The following DIDO1 variants were observed in gnomAD, a reference collection of about 807,000 sequenced individuals.
The protein encoded by DIDO1 is death inducer-obliterator 1.
In DIDO1, 16 loss-of-function variants were observed where a neutral mutation model predicts 99.4. The observed-to-expected ratio is 0.16, with a 90% CI of 0.11 to 0.24. The LOEUF is 0.24. DIDO1 is among the 10% of genes least tolerant of loss of function. The probability of loss-of-function intolerance (pLI) is 1.00; values close to 1 mark genes in which losing one functional copy is unlikely to be tolerated. For missense variants in DIDO1, 2,996 were observed against 3,014.0 expected, an observed-to-expected ratio of 0.99 and a Z score of 0.14; for synonymous variants, 1,366 against 1,239.1, an observed-to-expected ratio of 1.10 and a Z score of -2.15.
Position 62,878,954 on chromosome 20 carries a change from T to G in DIDO1, c.*279A>C. On this transcript the variant is annotated 3_prime_UTR_variant, in exon 16 of 16. Coordinates refer to ENST00000395343, the MANE Select transcript of DIDO1 (RefSeq NM_001193369.2). ...TCCCTTAAAATTTACAATAAAGTTA[T>G]TGGAAAAGATAACTATGATCTGAAA... 1 of 341,474 alleles carries G rather than the reference T, an allele frequency of 2.9e-6. No individual in the cohort carries two copies. The highest frequency in any genetic ancestry group is 5.2e-6 in the Non-Finnish European group (1 of 191,878). 21.2% of individuals were successfully genotyped at this position (341,474 alleles called of 1,614,324 possible). A position where few individuals can be genotyped will look rare whatever the true frequency, so the allele number is the denominator to read the frequency against.
upstream of DIDO1, among the ~76,000 whole-genome samples, chr20:62,927,523 T>TGG (rs960058744): frequency 8.6e-5 from 13 of 151,258 alleles, no homozygotes; most frequent in Admixed American, 4.0e-4. Flanking sequence ...GGCAGGGACC[T>TGG]GGGGGGGGTG....
intron 6 of DIDO1, among the ~76,000 whole-genome samples, chr20:62,901,705 T>G (rs922731756): frequency 6.6e-6 from 1 of 152,046 alleles, no homozygotes; most frequent in Non-Finnish European, 1.5e-5. Flanking sequence ...CAAATGAAAG[T>G]TGCCGCAACC....
intron 4 of DIDO1, among the ~76,000 whole-genome samples, chr20:62,909,009 G>A (rs943764385): frequency 6.6e-6 from 1 of 152,226 alleles, no homozygotes; most frequent in Non-Finnish European, 1.5e-5. Flanking sequence ...GCCTCCAAGG[G>A]CACGCTCCCA....
rs780354195 is a variant in DIDO1 at position 62,879,584 on chromosome 20, G to A, written c.6372C>T (p.Ser2124=). ...RRERERGRNW[S]RERDWDRPRE... Reference sequence around the variant, plus strand: ...GGGGCCGGTCCCAGTCCCGCTCTCGGCTCCAGTTTCGGCCGCGCTCGCGCT... The same window carrying A: ...GGGGCCGGTCCCAGTCCCGCTCTCGACTCCAGTTTCGGCCGCGCTCGCGCT... The change falls in exon 16 of 16, where the codon AGC becomes AGT. Residue 2124 remains serine, a synonymous_variant. Transcript: ENST00000395343. The surrounding 1 kb of genome is among the most constrained non-coding windows in gnomAD (Gnocchi z 6.3). 3.1e-6 allele frequency: 5 copies of A among 1,602,800 alleles called. No homozygotes were observed. The Admixed American group carries it at 6.7e-5, about 21-fold the overall frequency.
chr20:62,895,075 T>C lies in DIDO1; in HGVS notation c.2305A>G (p.Thr769Ala). ...PEELVSKELS[T>A]WKERPARSVM... ...GATCTCGCTGGCCTCTCTTTCCACG[T>C]GGAAAGCTCTTTAGATACAAGTTCT... The change falls in exon 9 of 16, where the codon ACG (threonine) becomes GCG (alanine). Residue 769 changes from threonine to alanine, a missense_variant. Physicochemically the swap from Thr to Ala is moderately conservative, Grantham distance 58. Around this residue, in one of 5 missense-constraint regions of DIDO1, gnomAD observed 898 missense variants for 972.7 expected, o/e 0.92. Transcript: ENST00000395343. The C allele has an allele frequency of 6.2e-7, 1 of 1,610,806 alleles. No individual in the cohort carries two copies.
In DIDO1 at chr20:62,879,928, G is replaced by A; in HGVS notation, c.6028C>T (p.His2010Tyr). The A allele has an allele frequency of 1.3e-6, 2 of 1,595,982 alleles. No homozygotes were observed. Among genetic ancestry groups the A allele is most frequent in the Non-Finnish European group, 1.7e-6 (2 of 1,172,990 alleles). Residue 2010 changes from histidine (H) to tyrosine (Y), a missense_variant, in exon 16 of 16, where the codon CAC (histidine) becomes TAC (tyrosine). His to Tyr is a moderately conservative substitution (Grantham distance 83). Coordinates refer to ENST00000395343, the MANE Select transcript of DIDO1 (RefSeq NM_001193369.2). This position sits in a 1 kb window ranked among gnomAD's most constrained non-coding sequence, Gnocchi z 6.3. The stretch of plus-strand genomic sequence containing the variant: ...ACCTGCGGGGCCTGGCCCTGGAAGT[G>A]AAATCGCGAAGGGGTCTGCTCATTT... Reference protein sequence around the residue: ...EKNEQTPSRFHFQGQAPQVMK... With the variant: ...EKNEQTPSRFYFQGQAPQVMK...
intron 6 of DIDO1, among the ~76,000 whole-genome samples, chr20:62,900,688 C>G (rs2064650818): frequency 1.3e-5 from 2 of 152,190 alleles, no homozygotes; most frequent in Non-Finnish European, 2.9e-5. Flanking sequence ...AAATAAACAC[C>G]ACACGCCCTC....
At chr20:62,906,861 T>C (rs2064818013) in intron 5 of DIDO1, among the ~76,000 whole-genome samples, 1 of 152,178 alleles carries the variant, frequency 6.6e-6, no homozygotes, top group African/African-American at 2.4e-5. Flanking sequence ...ACCGGGTGGT[T>C]ACCAACTCTT....
intron 13 of DIDO1, among the ~76,000 whole-genome samples, chr20:62,892,537 G>C (rs1194983625): frequency 1.3e-5 from 2 of 152,204 alleles, no homozygotes; most frequent in African/African-American, 2.4e-5. Context: ...CAGCCATGTG[G>C]TCAGTGCCCC....
intron 15 of DIDO1, chr20:62,888,192 C>T (rs1310576330): frequency 1.0e-6 from 1 of 985,522 alleles, no homozygotes; most frequent in Non-Finnish European, 1.2e-6. Context: ...GGACACCACG[C>T]TGTCAAAACC....
At chr20:62,886,384 G>A (rs117931677) in intron 15 of DIDO1, among the ~76,000 whole-genome samples, 1,685 of 152,270 alleles carry the variant, frequency 0.011, 16 homozygotes, top group Middle Eastern at 0.058. Context: ...TGTCCTTTGC[G>A]TATTCATGAC....
chr20:62,900,464 G>A (rs926861164), intron 6 of DIDO1, among the ~76,000 whole-genome samples: 1 of 152,212 alleles, frequency 6.6e-6, no homozygotes, highest in African/African-American at 2.4e-5. Flanking sequence ...ACGGGGAGGA[G>A]AAAATCAGGC....
upstream of DIDO1, among the ~76,000 whole-genome samples, chr20:62,929,692 A>AATATATATATATATATATAT: frequency 6.3e-5 from 4 of 63,736 alleles, no homozygotes; most frequent in South Asian, 1.7e-3. Context: ...AAAAAGAAAA[A>AATATATATATATATATATAT]GTGTATATAT....
Position 62,887,272 on chromosome 20 carries a change from T to C in DIDO1, c.3541+3688A>G, listed in dbSNP as rs1308792790. 4 of 985,392 alleles carry C rather than the reference T, an allele frequency of 4.1e-6. No homozygotes were observed. In the African/African-American group the frequency reaches 7.0e-5, roughly 17 times the overall value. 61.0% of individuals were successfully genotyped at this position (985,392 alleles called of 1,614,324 possible). On this transcript the variant is annotated intron_variant, in intron 15 of 15. Coordinates refer to ENST00000395343, the MANE Select transcript of DIDO1 (RefSeq NM_001193369.2). ...GAAGGCAGTACATTCCATTCAATACTGTATTTGACTCTGATTACAATTTCC... is the reference window on the plus strand; with the variant it reads ...GAAGGCAGTACATTCCATTCAATACCGTATTTGACTCTGATTACAATTTCC...
chr20:62,902,872 A>G (rs1238933067), intron 6 of DIDO1, among the ~76,000 whole-genome samples: 3 of 152,246 alleles, frequency 2.0e-5, no homozygotes. Flanking sequence ...TCAGTGTTTA[A>G]GTCACTTAAT....
upstream of DIDO1, among the ~76,000 whole-genome samples, chr20:62,927,318 A>G (rs2065273448): frequency 6.6e-6 from 1 of 152,198 alleles, no homozygotes; most frequent in Admixed American, 6.5e-5. Flanking sequence ...TTAGACACTT[A>G]CTATCAAGAG....
In DIDO1 at chr20:62,879,225, C is replaced by G; in HGVS notation, c.*8G>C. On this transcript the variant is annotated 3_prime_UTR_variant, in exon 16 of 16. Transcript: ENST00000395343. This position sits in a 1 kb window ranked among gnomAD's most constrained non-coding sequence, Gnocchi z 6.3. Reference sequence around the variant, plus strand: ...GCTTTAAAAAGGGTCTCTGCCCGGCCGGGGCGTCTAGGCCTGCGAGGCGGT... The same window carrying G: ...GCTTTAAAAAGGGTCTCTGCCCGGCGGGGGCGTCTAGGCCTGCGAGGCGGT... The G allele has an allele frequency of 6.7e-7, 1 of 1,488,336 alleles. No homozygotes were observed. Among genetic ancestry groups the G allele is most frequent in the Non-Finnish European group, 8.9e-7 (1 of 1,124,820 alleles). 92.2% of individuals were successfully genotyped at this position (1,488,336 alleles called of 1,614,324 possible).
Position 62,882,107 on chromosome 20 carries a change from G to A in DIDO1, c.3849C>T (p.Ala1283=), listed in dbSNP as rs199834139. 1.9e-6 allele frequency: 3 copies of A among 1,613,362 alleles called. No individual in the cohort carries two copies. The highest frequency in any genetic ancestry group is 2.2e-5 in the South Asian group (2 of 91,086). The change falls in exon 16 of 16, where the codon GCC becomes GCT. Residue 1283 remains alanine (A), a synonymous_variant. Transcript: ENST00000395343. The part of the protein sequence containing the change: ...LKVLSSLKPA[A]PSPATAATTA... ...TTGTGGCTGCTGTGGCTGGGCTGGG[G>A]GCTGCAGGTTTGAGGGATGACAGCA...
intron 4 of DIDO1, among the ~76,000 whole-genome samples, chr20:62,908,837 C>T (rs1012276246): frequency 6.6e-6 from 1 of 152,138 alleles, no homozygotes; most frequent in Non-Finnish European, 1.5e-5. Context: ...CCAGCCTGGG[C>T]AACAGAGCGA....
Sources: gnomAD v4.1 joint callset for allele counts (sites outside exome capture counted in the v4.1 genomes callset) on GRCh38, gnomAD v4.1.1 for gene constraint, gnomAD v4.1.1 regional missense constraint, Gnocchi (gnomAD v3.1) non-coding constraint, MANE v1.5 for transcripts, NCBI Gene and HGNC (gene_info 2026-07-23, HGNC 2026-07-21) for gene names.